The following QTMAN variants were observed in gnomAD, a reference collection of about 807,000 sequenced individuals.
The protein encoded by QTMAN is tRNA-queuosine alpha-mannosyltransferase.
At chr2:144,215,200 C>G in the QTMAN span, among the ~76,000 whole-genome samples, 1 of 151,086 alleles carries the variant, frequency 6.6e-6, no homozygotes. Context: ...CATGATTGTG[C>G]TACTGTATTC....
chr2:144,188,684 A>G, the QTMAN span, among the ~76,000 whole-genome samples: 1 of 152,226 alleles, frequency 6.6e-6, no homozygotes, highest in Non-Finnish European at 1.5e-5. Flanking sequence ...TCGCACCTAG[A>G]GACCAAAGCA....
chr2:143,981,980 C>T, the QTMAN span, among the ~76,000 whole-genome samples: 1 of 152,084 alleles, frequency 6.6e-6, no homozygotes. Context: ...ACCTTGTTAC[C>T]CCAGTTTTTT....
the QTMAN span, among the ~76,000 whole-genome samples, chr2:144,111,905 G>C: frequency 1.3e-5 from 2 of 152,128 alleles, no homozygotes; most frequent in African/African-American, 4.8e-5. Context: ...TAATCATGAT[G>C]GATATCTTCT....
At chr2:144,218,368 C>T in the QTMAN span, among the ~76,000 whole-genome samples, 1 of 152,106 alleles carries the variant, frequency 6.6e-6, no homozygotes. Flanking sequence ...CTGGAGTCTA[C>T]AAGAATGTTT....
chr2:144,031,882 G>A, the QTMAN span, among the ~76,000 whole-genome samples: 19 of 152,078 alleles, frequency 1.2e-4, no homozygotes, highest in Admixed American at 6.5e-5. Flanking sequence ...TCAGCCTCCC[G>A]AGCAGCTGGG....
chr2:144,225,538 C>T, the QTMAN span, among the ~76,000 whole-genome samples: 1 of 152,168 alleles, frequency 6.6e-6, no homozygotes. Flanking sequence ...CTGTCACTCC[C>T]ACAGACACAC....
chr2:144,194,546 A>G, the QTMAN span, among the ~76,000 whole-genome samples: 1 of 152,246 alleles, frequency 6.6e-6, no homozygotes, highest in Non-Finnish European at 1.5e-5. Flanking sequence ...TAGTCAGTAC[A>G]TATGTGCCTA....
At chr2:144,271,750 T>C in the QTMAN span, among the ~76,000 whole-genome samples, 2 of 152,084 alleles carry the variant, frequency 1.3e-5, no homozygotes, top group Non-Finnish European at 2.9e-5. Context: ...CAGTTTACCC[T>C]CCTCCCTTTA....
chr2:144,307,245 T>C, the QTMAN span, among the ~76,000 whole-genome samples: 3 of 99,798 alleles, frequency 3.0e-5, no homozygotes, highest in Non-Finnish European at 6.5e-5. Context: ...AAAAAAAATA[T>C]GAAAACATTC....
At chr2:144,177,232 CCTCTTTATCTTGATCCCAATAAAAA>C in the QTMAN span, 2 of 694,284 alleles carry the variant, frequency 2.9e-6, no homozygotes, top group Middle Eastern at 2.3e-4. Context: ...AGACATCAAT[CCTCTTTATCTTGATCCCAATAAAAA>C]AAAAAAAAAC....
At chr2:144,013,777 A>G in the QTMAN span, among the ~76,000 whole-genome samples, 1 of 152,202 alleles carries the variant, frequency 6.6e-6, no homozygotes, top group African/African-American at 2.4e-5. Flanking sequence ...GCCTTGGGTG[A>G]TTTACAACAA....
chr2:143,951,162 TA>T, the QTMAN span: 1 of 151,924 alleles, frequency 6.6e-6, no homozygotes, highest in Non-Finnish European at 1.5e-5. Context: ...TGTTAGATTA[TA>T]AAACTGCTAG....
chr2:144,044,077 CAG>C, the QTMAN span, among the ~76,000 whole-genome samples: 1 of 152,118 alleles, frequency 6.6e-6, no homozygotes, highest in African/African-American at 2.4e-5. Flanking sequence ...TGAGCTCAGA[CAG>C]AACATCAAAG....
the QTMAN span, among the ~76,000 whole-genome samples, chr2:144,196,213 C>CCACACACA: frequency 2.1e-5 from 3 of 142,428 alleles, no homozygotes; most frequent in Non-Finnish European, 3.1e-5. Context: ...GCACACATAG[C>CCACACACA]CACACACACA....
the QTMAN span, among the ~76,000 whole-genome samples, chr2:144,100,424 G>A: frequency 6.6e-6 from 1 of 152,128 alleles, no homozygotes; most frequent in Non-Finnish European, 1.5e-5. Context: ...AGTAACACTA[G>A]AATAAGCATA....
chr2:144,209,334 C>T, the QTMAN span, among the ~76,000 whole-genome samples: 1 of 152,194 alleles, frequency 6.6e-6, no homozygotes, highest in African/African-American at 2.4e-5. Flanking sequence ...ATAACTGCCC[C>T]TAGTGAATAC....
chr2:144,097,661 T>C, the QTMAN span, among the ~76,000 whole-genome samples: 5 of 152,070 alleles, frequency 3.3e-5, no homozygotes, highest in Non-Finnish European at 7.4e-5. Context: ...GGGTGATGAG[T>C]GCAACTTCCT....
At chr2:143,992,179 T>C in the QTMAN span, among the ~76,000 whole-genome samples, 7,310 of 150,848 alleles carry the variant, frequency 0.048, 291 homozygotes, top group African/African-American at 0.1. Flanking sequence ...TTTCATTTTG[T>C]TCTGTACTAA....
chr2:144,141,157 T>C, the QTMAN span, among the ~76,000 whole-genome samples: 2 of 151,954 alleles, frequency 1.3e-5, no homozygotes, highest in South Asian at 4.1e-4. Flanking sequence ...CCTGCTAGTG[T>C]GAGTCCCACT....
Sources: gnomAD v4.1 joint callset for allele counts (sites outside exome capture counted in the v4.1 genomes callset) on GRCh38, gnomAD v4.1.1 for gene constraint, MANE v1.5 for transcripts, NCBI Gene and HGNC (gene_info 2026-07-23, HGNC 2026-07-21) for gene names.